SPG11: variants seen among roughly 807,000 people sequenced by gnomAD.
The protein encoded by SPG11 is spatacsin.
SPG11 carries 222 observed loss-of-function variants against 274.0 expected under a neutral mutation model. The ratio of observed to expected loss-of-function variants is 0.81; its 90% CI spans 0.73 to 0.91. SPG11 has a LOEUF of 0.91. Among genes scored for constraint, SPG11 ranks in the 40% least tolerant of loss-of-function variants. SPG11 has a pLI of 0.00. For missense variants in SPG11, 3,114 were observed against 2,872.7 expected, an observed-to-expected ratio of 1.08 and a Z score of -1.92; for synonymous variants, 1,144 against 1,039.7, an observed-to-expected ratio of 1.10 and a Z score of -1.93.
intron 7 of SPG11, among the ~76,000 whole-genome samples, chr15:44,638,671 C>G (rs2084353339): frequency 6.6e-6 from 1 of 152,082 alleles, no homozygotes; most frequent in South Asian, 2.1e-4. Flanking sequence ...ATTTCTTCAC[C>G]TGGATGGTGG....
At chr15:44,634,950 G>A (rs994100299) in intron 7 of SPG11, among the ~76,000 whole-genome samples, 5 of 152,096 alleles carry the variant, frequency 3.3e-5, no homozygotes, top group Admixed American at 6.6e-5. Flanking sequence ...CAGGTGTGGT[G>A]GCTCATGCCT....
rs1395150167 is a variant in SPG11, at chr15:44,629,242, G to A, written c.1882C>T (p.His628Tyr). 2 of 1,613,990 alleles carry A rather than the reference G, an allele frequency of 1.2e-6. No homozygotes were observed. The highest frequency in any genetic ancestry group is 1.3e-5 in the African/African-American group (1 of 75,040). ...TAGCTGCTATTCTTACCTTCAGTGTGAATGAAAAGCTCCTTTATTTGGTTG... is the reference window on the plus strand; with the variant it reads ...TAGCTGCTATTCTTACCTTCAGTGTAAATGAAAAGCTCCTTTATTTGGTTG... ...LNNQIKELFI[H>Y]TEELDEHLQK... is the part of the protein sequence containing the mutation. The change falls in exon 9 of 40, where the codon CAC becomes TAC. Residue 628 changes from histidine to tyrosine, a missense_variant. His to Tyr is a moderately conservative substitution (Grantham distance 83, BLOSUM62 2). Coordinates refer to ENST00000261866, the MANE Select transcript of SPG11 (RefSeq NM_025137.4).
intron 30 of SPG11, among the ~76,000 whole-genome samples, chr15:44,580,979 C>T (rs779760465): frequency 1.3e-5 from 2 of 152,008 alleles, no homozygotes; most frequent in African/African-American, 2.4e-5. Context: ...ATTCAAGAAG[C>T]TCAGTAAACC....
intron 30 of SPG11, among the ~76,000 whole-genome samples, chr15:44,579,994 T>C (rs2082626904): frequency 6.6e-6 from 1 of 151,816 alleles, no homozygotes; most frequent in African/African-American, 2.4e-5. Context: ...TCACATTTAC[T>C]TACCACTTAG....
intron 14 of SPG11, 191 bp downstream of exon 14, chr15:44,621,568 C>A: frequency 1.7e-6 from 1 of 586,994 alleles, no homozygotes; most frequent in Non-Finnish European, 3.0e-6. Context: ...CTTTTATTAG[C>A]ACATTATAAA....
At chr15:44,638,136 G>A (rs1212270364) in intron 7 of SPG11, among the ~76,000 whole-genome samples, 4 of 152,116 alleles carry the variant, frequency 2.6e-5, no homozygotes, top group Non-Finnish European at 5.9e-5. Flanking sequence ...AGCATTCAAC[G>A]GACCTGTATT....
At chr15:44,589,536 G>T in intron 27 of SPG11, 122 bp from the exon 28 acceptor site, 3 of 1,170,254 alleles carry the variant, frequency 2.6e-6, no homozygotes, top group East Asian at 2.5e-5. Context: ...CTGTCATGAG[G>T]CACTTACTCA....
chr15:44,572,757 C>T lies in SPG11; in HGVS notation c.6269G>A (p.Cys2090Tyr). The T allele has an allele frequency of 6.2e-7, 1 of 1,614,064 alleles. No individual in the cohort carries two copies. The highest frequency in any genetic ancestry group is 8.5e-7 in the Non-Finnish European group (1 of 1,179,990). The change falls in exon 33 of 40, where the codon TGT becomes TAT. Residue 2090 changes from cysteine to tyrosine, a missense_variant. Coordinates refer to ENST00000261866, the MANE Select transcript of SPG11 (RefSeq NM_025137.4). ...CATGCCTACCAATGTGCGGTCTTGA[C>T]ACAGAGTGGTCAGCTGAAGAAATGT... ...SQTFLQLTTLCQDRTLVGMKL... is the reference protein window; with the variant it reads ...SQTFLQLTTLYQDRTLVGMKL...
In SPG11 at chr15:44,584,476, T is replaced by C. The variant is rs749981312; in HGVS notation, c.5204A>G (p.His1735Arg). The change falls in exon 30 of 40, where the codon CAT becomes CGT. Residue 1735 changes from histidine (H) to arginine (R), a missense_variant. Transcript: ENST00000261866. ...QARIDFWKKC[H>R]ENFKKNSISS... ...AATTGAATTTTTCTTAAAATTCTCA[T>C]GGCATTTTTTCCAGAAGTCAATTCT... The C allele has an allele frequency of 3.7e-6, 6 of 1,614,210 alleles. No homozygotes were observed. The South Asian group carries it at 6.6e-5, about 18-fold the overall frequency.
chr15:44,641,963 G>C (rs1316222925), intron 7 of SPG11, among the ~76,000 whole-genome samples: 4 of 137,814 alleles, frequency 2.9e-5, no homozygotes, highest in African/African-American at 8.1e-5. Flanking sequence ...CTTAAAGCTA[G>C]ATAAAGACAT....
At chr15:44,653,820 A>G (rs1448280363) in intron 4 of SPG11, among the ~76,000 whole-genome samples, 1 of 152,194 alleles carries the variant, frequency 6.6e-6, no homozygotes, top group Admixed American at 6.5e-5. Flanking sequence ...CCCTATACAT[A>G]CAGTTGACCC....
At chr15:44,640,271 C>A (rs2084402467) in intron 7 of SPG11, among the ~76,000 whole-genome samples, 1 of 151,992 alleles carries the variant, frequency 6.6e-6, no homozygotes. Flanking sequence ...AATATACACA[C>A]AACACACACA....
At chr15:44,614,010 C>A (rs1297690107) in intron 16 of SPG11, among the ~76,000 whole-genome samples, 2 of 152,108 alleles carry the variant, frequency 1.3e-5, no homozygotes, top group Non-Finnish European at 2.9e-5. Flanking sequence ...TGCCACTGCA[C>A]TCCAGTCTAA....
rs534248654 is a variant in SPG11 at position 44,573,565 on chromosome 15, T to C, written c.6187A>G (p.Thr2063Ala). The stretch of plus-strand genomic sequence containing the variant: ...AGGGCACCTGTTCCCTGTGATGAAG[T>C]AAGCAGCTCCCGTGTCACCTCTTCT... ...VAEEVTRELL[T>A]SSQGTGHKQM... Residue 2063 changes from threonine to alanine, a missense_variant, in exon 32 of 40, where the codon ACT becomes GCT. Physicochemically the swap from Thr to Ala is moderately conservative, Grantham distance 58. Coordinates refer to ENST00000261866, the MANE Select transcript of SPG11 (RefSeq NM_025137.4). 27 of 1,614,134 alleles carry C rather than the reference T, an allele frequency of 1.7e-5. No individual in the cohort carries two copies. The South Asian group carries it at 2.3e-4, about 14-fold the overall frequency.
chr15:44,601,213 G>A (rs1233010633), intron 20 of SPG11, among the ~76,000 whole-genome samples: 1 of 148,010 alleles, frequency 6.8e-6, no homozygotes, highest in Non-Finnish European at 1.5e-5. Context: ...GTGACCTTGA[G>A]CAACTTATTT....
At chr15:44,619,537 T>C (rs2083681413) in intron 15 of SPG11, among the ~76,000 whole-genome samples, 1 of 152,160 alleles carries the variant, frequency 6.6e-6, no homozygotes, top group Admixed American at 6.5e-5. Flanking sequence ...AACACACATG[T>C]AGTGATATGA....
At chr15:44,581,357 C>T (rs2082655577) in intron 30 of SPG11, among the ~76,000 whole-genome samples, 1 of 151,948 alleles carries the variant, frequency 6.6e-6, no homozygotes, top group Non-Finnish European at 1.5e-5. Flanking sequence ...CAGGCATGTG[C>T]CAACACACCT....
At chr15:44,573,397 T>C (rs2082465449) in intron 32 of SPG11, 150 bp downstream of exon 32, 8 of 785,396 alleles carry the variant, frequency 1.0e-5, no homozygotes, top group Non-Finnish European at 1.7e-5. Context: ...AAGCATGTAT[T>C]TTGTTTTATT....
Position 44,598,183 on chromosome 15 carries a change from AGTT to A in SPG11, c.4001+79_4001+81del, listed in dbSNP as rs1285440373. On this transcript the variant is annotated intron_variant, in intron 23 of 39. Transcript: ENST00000261866. Reference sequence around the variant, plus strand: ...TAGGGGGATTTAGTGAAAACACCAGAGTTGTTCAAAGAAAAACTAGGCAAACAC... The same window carrying A: ...TAGGGGGATTTAGTGAAAACACCAGAGTTCAAAGAAAAACTAGGCAAACAC... The A allele has an allele frequency of 2.4e-5, 23 of 941,004 alleles. No individual in the cohort carries two copies. In the East Asian group the frequency reaches 5.3e-4, roughly 22 times the overall value. The allele number at this position is 941,004 out of a possible 1,614,324, so 58.3% of individuals were successfully genotyped here.
Sources: allele counts gnomAD v4.1 joint callset (sites outside exome capture counted in the v4.1 genomes callset), GRCh38; gene constraint gnomAD v4.1.1; transcripts MANE v1.5; gene names NCBI Gene and HGNC (gene_info 2026-07-23, HGNC 2026-07-21).